Variants in MTMR12 observed in about 807,000 individuals in gnomAD.
MTMR12 encodes myotubularin-related protein 12.
MTMR12 carries 33 observed loss-of-function variants against 96.7 expected under a neutral mutation model. The observed-to-expected ratio is 0.34, with a 90% CI of 0.26 to 0.46. The LOEUF is 0.46. MTMR12 is among the 20% of genes least tolerant of loss of function. The probability of loss-of-function intolerance (pLI) is 1.00; values close to 1 mark genes in which losing one functional copy is unlikely to be tolerated. For missense variants in MTMR12, 721 were observed against 896.1 expected, an observed-to-expected ratio of 0.80 and a Z score of 2.49; for synonymous variants, 298 against 327.2, an observed-to-expected ratio of 0.91 and a Z score of 0.96.
In MTMR12 at chr5:32,229,675, C is replaced by T. The variant is rs552934327; in HGVS notation, c.*103G>A. 4.1e-5 allele frequency: 48 copies of T among 1,162,310 alleles called. No homozygotes were observed. The South Asian group carries it at 4.2e-4, about 10-fold the overall frequency. 72.0% of individuals were successfully genotyped at this position (1,162,310 alleles called of 1,614,324 possible). On this transcript the variant is annotated 3_prime_UTR_variant, in exon 16 of 16. Transcript: ENST00000382142. ...GCCCAGGTTTATTCTAACGGAGTGC[C>T]GGGCTAAGGACCCAGCCAGCATGAG...
chr5:32,245,051 G>A (rs1395325721), intron 10 of MTMR12, among the ~76,000 whole-genome samples: 2 of 151,658 alleles, frequency 1.3e-5, no homozygotes, highest in African/African-American at 4.8e-5. Context: ...TTTTTGAGAT[G>A]GAGTTTTGCT....
At chr5:32,279,949 A>G (rs1750227031) in intron 1 of MTMR12, among the ~76,000 whole-genome samples, 1 of 152,342 alleles carries the variant, frequency 6.6e-6, no homozygotes, top group African/African-American at 2.4e-5. Flanking sequence ...CAGTGCTGGC[A>G]CAGACTAGTA....
At chr5:32,250,445 G>A (rs943842762) in intron 8 of MTMR12, among the ~76,000 whole-genome samples, 3 of 152,212 alleles carry the variant, frequency 2.0e-5, no homozygotes, top group African/African-American at 7.2e-5. Context: ...GTGTTAGAAC[G>A]TAAGATAATC....
intron 1 of MTMR12, among the ~76,000 whole-genome samples, chr5:32,308,818 T>G (rs553241805): frequency 6.6e-6 from 1 of 152,102 alleles, no homozygotes; most frequent in African/African-American, 2.4e-5. Flanking sequence ...TTGGCCAGGA[T>G]AGTCTGGATC....
intron 1 of MTMR12, among the ~76,000 whole-genome samples, chr5:32,288,124 A>G (rs1468024130): frequency 6.6e-6 from 1 of 152,214 alleles, no homozygotes; most frequent in African/African-American, 2.4e-5. Flanking sequence ...GTGCATGCAC[A>G]GCCTCGCCAG....
At chr5:32,283,734 A>G (rs982140451) in intron 1 of MTMR12, among the ~76,000 whole-genome samples, 1 of 152,208 alleles carries the variant, frequency 6.6e-6, no homozygotes, top group Non-Finnish European at 1.5e-5. Context: ...TGAGAGTTAT[A>G]GAGAGGCCAA....
chr5:32,235,999 C>T (rs1748213858), intron 13 of MTMR12, among the ~76,000 whole-genome samples: 1 of 152,220 alleles, frequency 6.6e-6, no homozygotes, highest in South Asian at 2.1e-4. Flanking sequence ...TCCTTCAAAA[C>T]TCCAATATGT....
At chr5:32,265,551 T>G (rs76116959) in intron 6 of MTMR12, among the ~76,000 whole-genome samples, 2,350 of 152,352 alleles carry the variant, frequency 0.015, 32 homozygotes, top group Non-Finnish European at 0.024. Context: ...CAAGTCATAT[T>G]TGTATATGTC....
chr5:32,291,943 A>G (rs1244175101), intron 1 of MTMR12, among the ~76,000 whole-genome samples: 1 of 152,184 alleles, frequency 6.6e-6, no homozygotes, highest in Non-Finnish European at 1.5e-5. Context: ...TATCCTGCAC[A>G]CAATGCTTCT....
chr5:32,283,857 C>T (rs1750406907), intron 1 of MTMR12, among the ~76,000 whole-genome samples: 1 of 152,230 alleles, frequency 6.6e-6, no homozygotes, highest in South Asian at 2.1e-4. Flanking sequence ...GAAAGTGTTA[C>T]CTCTTATGAC....
At position 32,228,341 on chromosome 5, in the gene MTMR12, A is replaced by G. The variant is rs1487041234; in HGVS notation, c.*1437T>C. 6.6e-6 allele frequency: 1 copy of G among 151,888 alleles called. No homozygotes were observed. The highest frequency in any genetic ancestry group is 1.5e-5 in the Non-Finnish European group (1 of 67,988). The allele number at this position is 151,888 out of a possible 1,614,324, so 9.4% of individuals were successfully genotyped here. ...TGAGCAACTGAAAGTTTTTCCGAAC[A>G]TGTAACATTCAAATTGGGATCCATA... is the stretch of plus-strand genomic sequence containing the variant. On this transcript the variant is annotated 3_prime_UTR_variant, in exon 16 of 16. Transcript: ENST00000382142.
intron 10 of MTMR12, among the ~76,000 whole-genome samples, chr5:32,244,270 C>A (rs946254330): frequency 6.6e-6 from 1 of 150,698 alleles, no homozygotes; most frequent in Non-Finnish European, 1.5e-5. Flanking sequence ...CAGAGTGAGA[C>A]CCTGTTTCTA....
At chr5:32,261,639 T>TC (rs1272402865) in intron 7 of MTMR12, among the ~76,000 whole-genome samples, 3 of 152,164 alleles carry the variant, frequency 2.0e-5, no homozygotes, top group Non-Finnish European at 4.4e-5. Flanking sequence ...TCTTCCTCCC[T>TC]CCAGAATGAT....
Position 32,236,425 on chromosome 5 carries a change from T to C in MTMR12, c.1345-1296A>G, listed in dbSNP as rs558492978. On this transcript the variant is annotated intron_variant, in intron 13 of 15. Transcript: ENST00000382142. ...AGCTAGGCATGGTAGTGTACACCTA[T>C]AGTCCCAGCTACTCAGAAGGCTGAG... is the stretch of plus-strand genomic sequence containing the variant. Among the ~76,000 whole-genome samples the C allele has an allele frequency of 8.5e-5, 13 of 152,278 alleles. No homozygotes were observed. The South Asian group carries it at 2.5e-3, about 29-fold the overall frequency.
In MTMR12 at chr5:32,247,917, G is replaced by C. The variant is rs368087554; in HGVS notation, c.1021+85C>G. ...TCTGCGTACTAACGTAAGGAACCCA[G>C]GGAAAAGGCACCAACTTTCACCTGA... On this transcript the variant is annotated intron_variant, in intron 10 of 15. Transcript: ENST00000382142. The C allele has an allele frequency of 1.9e-5, 29 of 1,532,864 alleles. No individual in the cohort carries two copies. In the African/African-American group the frequency reaches 3.8e-4, roughly 20 times the overall value. The allele number at this position is 1,532,864 out of a possible 1,614,324, so 95.0% of individuals were successfully genotyped here.
chr5:32,275,073 T>A (rs985931623), intron 2 of MTMR12, among the ~76,000 whole-genome samples: 79 of 152,134 alleles, frequency 5.2e-4, no homozygotes, highest in African/African-American at 1.8e-3. Flanking sequence ...ACTTGATAGC[T>A]CCTTCAAGGT....
chr5:32,285,883 T>G (rs1750523418), intron 1 of MTMR12, among the ~76,000 whole-genome samples: 1 of 151,732 alleles, frequency 6.6e-6, no homozygotes, highest in Admixed American at 6.6e-5. Context: ...AGAACTATGT[T>G]TCTGAGGAGT....
intron 4 of MTMR12, 97 bp from the exon 5 acceptor site, chr5:32,271,044 T>C: frequency 3.0e-6 from 4 of 1,331,696 alleles, no homozygotes; most frequent in Non-Finnish European, 2.0e-6. Context: ...CTAGGGATAC[T>C]TCCCAAGAAT....
intron 3 of MTMR12, among the ~76,000 whole-genome samples, chr5:32,273,122 G>A (rs879462878): frequency 5.3e-5 from 8 of 152,076 alleles, no homozygotes; most frequent in South Asian, 2.1e-4. Context: ...AAGGTGAGCC[G>A]GGTGAGGCGG....
Sources: gnomAD v4.1 joint callset for allele counts (sites outside exome capture counted in the v4.1 genomes callset) on GRCh38, gnomAD v4.1.1 for gene constraint, MANE v1.5 for transcripts, NCBI Gene and HGNC (gene_info 2026-07-23, HGNC 2026-07-21) for gene names.